Variants in STOML3 observed in about 807,000 individuals in gnomAD.
STOML3 encodes the protein stomatin like 3.
Under a neutral mutation model 29.5 loss-of-function variants are expected in STOML3, and 31 were observed. That is an observed-to-expected ratio of 1.05 (90% CI 0.79 to 1.42). STOML3 has a LOEUF of 1.42. Ranked by LOEUF, STOML3 falls within the 40% of genes most tolerant of loss-of-function variation. The pLI is 0.00. For missense variants in STOML3, 380 were observed against 363.0 expected (o/e 1.05, Z -0.38); for synonymous variants, 122 against 139.8 (o/e 0.87, Z 0.90).
chr13:38,971,179 C>T (rs1880852369), intron 4 of STOML3, among the ~76,000 whole-genome samples: 2 of 152,076 alleles, frequency 1.3e-5, no homozygotes, highest in Non-Finnish European at 2.9e-5. Context: ...ATTACAGGTG[C>T]ATGCCACCAT....
rs997756684 is a variant in STOML3, at chr13:38,968,677, G to C, written c.517-143C>G. On this transcript the variant is annotated intron_variant, in intron 5 of 6. Transcript: ENST00000379631. ...ACAGCATTTGGAGTGAGACAATTTAGGAAGAGAATAAGAGTTAATATTCTT... is the reference window on the plus strand; with the variant it reads ...ACAGCATTTGGAGTGAGACAATTTACGAAGAGAATAAGAGTTAATATTCTT... 35 of 970,066 alleles carry C rather than the reference G, an allele frequency of 3.6e-5. 1 individual carries two copies. The highest frequency in any genetic ancestry group is 1.1e-4 in the South Asian group (6 of 55,502). The allele number at this position is 970,066 out of a possible 1,614,324, so 60.1% of individuals were successfully genotyped here.
intron 1 of STOML3, among the ~76,000 whole-genome samples, chr13:38,979,698 G>A (rs1396691971): frequency 6.6e-6 from 1 of 152,062 alleles, no homozygotes; most frequent in Non-Finnish European, 1.5e-5. Context: ...TGATCATTAA[G>A]GTTATTTGCA....
chr13:38,972,816 A>T (rs1880927490), intron 3 of STOML3, among the ~76,000 whole-genome samples: 1 of 152,142 alleles, frequency 6.6e-6, no homozygotes, highest in Non-Finnish European at 1.5e-5. Flanking sequence ...GAAGCTAAAG[A>T]TCCCTGACAT....
At chr13:38,981,885 T>G (rs1253704327) in intron 1 of STOML3, among the ~76,000 whole-genome samples, 1 of 152,176 alleles carries the variant, frequency 6.6e-6, no homozygotes. Context: ...ATGTATCTAC[T>G]TTATGACTCA....
In STOML3 at chr13:38,966,959, G is replaced by T. The variant is rs369846460; in HGVS notation, c.742C>A (p.Arg248Ser). 6.2e-6 allele frequency: 10 copies of T among 1,613,926 alleles called. No homozygotes were observed. The Admixed American group carries it at 1.2e-4, about 19-fold the overall frequency. Residue 248 changes from arginine to serine, a missense_variant, in exon 7 of 7, where the codon CGC becomes AGC. Physicochemically the swap from Arg to Ser is moderately radical, Grantham distance 110 (BLOSUM62 -1). Coordinates refer to ENST00000379631, the MANE Select transcript of STOML3 (RefSeq NM_145286.3). ...LAESPIALQL[R>S]YLQTLSTVAT... ...ACCGTGCTCAAGGTCTGCAGGTAGCGCAGCTGGAGAGCTATGGGAGACTCA... is the reference window on the plus strand; with the variant it reads ...ACCGTGCTCAAGGTCTGCAGGTAGCTCAGCTGGAGAGCTATGGGAGACTCA...
At chr13:38,988,166 TAATATATTATATTTTATATAA>T (rs1474430440) in intron 1 of STOML3, among the ~76,000 whole-genome samples, 1 of 92,554 alleles carries the variant, frequency 1.1e-5, no homozygotes, top group Non-Finnish European at 1.8e-5. Flanking sequence ...ATTTTATATA[TAATATATTATATTTTATATAA>T]AATATATTAT....
At chr13:38,972,679 A>G (rs1880921289) in intron 3 of STOML3, 85 bp from the exon 4 acceptor site, 4 of 1,159,926 alleles carry the variant, frequency 3.4e-6, no homozygotes, top group South Asian at 1.3e-5. Flanking sequence ...CATCATTTAC[A>G]TGGGGCGATA....
intron 3 of STOML3, among the ~76,000 whole-genome samples, chr13:38,973,209 G>A (rs1192349049): frequency 3.3e-5 from 5 of 151,236 alleles, no homozygotes; most frequent in Admixed American, 2.6e-4. Flanking sequence ...TTGAACCCAG[G>A]AGGCAAAGGT....
At position 38,966,507 on chromosome 13, in the gene STOML3, T is replaced by C. The variant is rs1336312640; in HGVS notation, c.*318A>G. ...CAATTAAAAAGTAATTCTGAAACAT[T>C]AGTCATAGTCACCCAATGATTTCTT... On this transcript the variant is annotated 3_prime_UTR_variant, in exon 7 of 7. Transcript: ENST00000379631. The C allele has an allele frequency of 4.9e-6, 1 of 203,776 alleles. No homozygotes were observed. The highest frequency in any genetic ancestry group is 9.9e-6 in the Non-Finnish European group (1 of 101,400). 12.6% of individuals were successfully genotyped at this position (203,776 alleles called of 1,614,324 possible). A position where few individuals can be genotyped will look rare whatever the true frequency, so the allele number is the denominator to read the frequency against.
rs184601027 is a variant in STOML3 at position 38,971,139 on chromosome 13, T to A, written c.313-751A>T. 7.9e-4 allele frequency among the ~76,000 whole-genome samples: 120 copies of A among 152,168 alleles called. 1 individual carries two copies. Among genetic ancestry groups the A allele is most frequent in the Middle Eastern group, 3.4e-3 (1 of 294 alleles). On this transcript the variant is annotated intron_variant, in intron 4 of 6. Coordinates refer to ENST00000379631, the MANE Select transcript of STOML3 (RefSeq NM_145286.3). ...CCTCCGTCTCCCAGGTGCAAGTGAC[T>A]CTCCTGCCTCAGTCTCCTGAGTAGC...
rs914344421 is a variant in STOML3, at chr13:38,971,833, G to A, written c.312+679C>T. 1.6e-4 allele frequency among the ~76,000 whole-genome samples: 24 copies of A among 152,236 alleles called. 2 individuals are homozygous for A. The highest frequency in any genetic ancestry group is 1.4e-3 in the Admixed American group (22 of 15,292). ...CCAGCTACTTGGGAGGCTGAGGCAG[G>A]AGAATCACTTGAACCCGGGAGGTAG... On this transcript the variant is annotated intron_variant, in intron 4 of 6. Transcript: ENST00000379631.
At chr13:38,989,235 A>G (rs1868898259) in intron 1 of STOML3, among the ~76,000 whole-genome samples, 1 of 151,796 alleles carries the variant, frequency 6.6e-6, no homozygotes, top group Non-Finnish European at 1.5e-5. Context: ...AAATATCGAA[A>G]CCAAGAAAAC....
intron 4 of STOML3, among the ~76,000 whole-genome samples, chr13:38,971,903 C>T (rs554158493): frequency 4.6e-5 from 7 of 151,964 alleles, no homozygotes; most frequent in South Asian, 2.1e-4. Flanking sequence ...CCAGCCTGGG[C>T]GACAAGAGTG....
chr13:38,982,141 T>C (rs1237669703), intron 1 of STOML3, among the ~76,000 whole-genome samples: 1 of 152,058 alleles, frequency 6.6e-6, no homozygotes, highest in Non-Finnish European at 1.5e-5. Context: ...GATATAATAG[T>C]GGGCACAAAA....
rs1431681333 is a variant in STOML3, at chr13:38,990,760, T to C, written c.-39A>G. Reference sequence around the variant, plus strand: ...AGCTTTTATACTTGGCAATTTTTCATGGGTTTGGAGCTAAGTGTGAAGAAC... The same window carrying C: ...AGCTTTTATACTTGGCAATTTTTCACGGGTTTGGAGCTAAGTGTGAAGAAC... On this transcript the variant is annotated 5_prime_UTR_variant, in exon 1 of 7. It removes an upstream start codon present in the reference 5' UTR. Coordinates refer to ENST00000379631, the MANE Select transcript of STOML3 (RefSeq NM_145286.3). The C allele has an allele frequency of 2.5e-6, 4 of 1,607,210 alleles. No individual in the cohort carries two copies. The highest frequency in any genetic ancestry group is 2.7e-5 in the African/African-American group (2 of 74,790).
At chr13:38,974,678 G>T (rs530654980) in intron 3 of STOML3, among the ~76,000 whole-genome samples, 1 of 152,274 alleles carries the variant, frequency 6.6e-6, no homozygotes, top group South Asian at 2.1e-4. Context: ...AATTTGGCTT[G>T]TTTCCCTCTT....
At position 38,989,624 on chromosome 13, in the gene STOML3, T is replaced by C. The variant is rs538763962; in HGVS notation, c.52+1046A>G. Among the ~76,000 whole-genome samples the C allele has an allele frequency of 2.2e-3, 335 of 152,000 alleles. 1 individual carries two copies. Among genetic ancestry groups the C allele is most frequent in the African/African-American group, 7.6e-3 (316 of 41,476 alleles). On this transcript the variant is annotated intron_variant, in intron 1 of 6. Transcript: ENST00000379631. ...CTCAAGCAATCCTCCCACCTCAACC[T>C]CCCACTTAGCCACAGGCATGTGCCA... is the stretch of plus-strand genomic sequence containing the variant.
In STOML3 at chr13:38,969,714, C is replaced by T. The variant is rs569482392; in HGVS notation, c.516+471G>A. Reference sequence around the variant, plus strand: ...TTTATTGATATCATAATTATCATTACTATTAATGTTATTAGTGATATTGGT... The same window carrying T: ...TTTATTGATATCATAATTATCATTATTATTAATGTTATTAGTGATATTGGT... On this transcript the variant is annotated intron_variant, in intron 5 of 6. Transcript: ENST00000379631. Among the ~76,000 whole-genome samples, 3 of 152,176 alleles carry T rather than the reference C, an allele frequency of 2.0e-5. No homozygotes were observed. In the South Asian group the frequency reaches 6.2e-4, roughly 32 times the overall value.
chr13:38,988,736 CAT>C (rs1489775509), intron 1 of STOML3, among the ~76,000 whole-genome samples: 2 of 140,146 alleles, frequency 1.4e-5, no homozygotes, highest in East Asian at 2.0e-4. Context: ...ACTGGAAAAA[CAT>C]ATTTGCCACT....
Sources: gnomAD v4.1 joint callset for allele counts (sites outside exome capture counted in the v4.1 genomes callset) on GRCh38, gnomAD v4.1.1 for gene constraint, MANE v1.5 for transcripts, NCBI Gene and HGNC (gene_info 2026-07-23, HGNC 2026-07-21) for gene names.